PDE4D: variants seen among roughly 807,000 people sequenced by gnomAD.
PDE4D encodes 3',5'-cyclic-AMP phosphodiesterase 4D.
PDE4D carries 24 observed loss-of-function variants against 87.4 expected under a neutral mutation model. That is an observed-to-expected ratio of 0.27 (90% CI 0.20 to 0.39). The LOEUF (loss-of-function observed/expected upper bound fraction) is 0.39, where lower values mean the gene tolerates loss of function less well. PDE4D is among the 10% of genes least tolerant of loss of function. PDE4D has a pLI of 1.00. For synonymous variants in PDE4D, 384 were observed against 383.2 expected, an observed-to-expected ratio of 1.00 and a Z score of -0.02; for missense variants, 714 against 1,041.0, an observed-to-expected ratio of 0.69 and a Z score of 4.32.
intron 5 of PDE4D, among the ~76,000 whole-genome samples, chr5:59,095,201 C>T (rs1580769054): frequency 1.3e-5 from 2 of 151,644 alleles, no homozygotes; most frequent in East Asian, 3.9e-4. Context: ...AATGACCCAC[C>T]ATTCAACGAT....
chr5:59,428,111 T>C (rs1026240962), intron 1 of PDE4D, among the ~76,000 whole-genome samples: 11 of 152,222 alleles, frequency 7.2e-5, no homozygotes, highest in African/African-American at 2.7e-4. Context: ...ACCAATTAAA[T>C]GATCATGTGG....
chr5:59,207,372 C>T lies in PDE4D; in HGVS notation c.647+8405G>A, dbSNP rs375258639. On this transcript the variant is annotated intron_variant, in intron 2 of 14. Transcript: ENST00000340635. ...GAACCAATATCTCTCCTGTAATGGC[C>T]ATTTGCCTCTTGGAATTTCAAGAGG... Among the ~76,000 whole-genome samples the T allele has an allele frequency of 5.9e-5, 9 of 151,830 alleles. No individual in the cohort carries two copies. In the South Asian group the frequency reaches 1.0e-3, roughly 18 times the overall value.
At chr5:59,851,642 G>A (rs1744676986) in intron 1 of PDE4D, among the ~76,000 whole-genome samples, 1 of 151,914 alleles carries the variant, frequency 6.6e-6, no homozygotes, top group South Asian at 2.1e-4. Flanking sequence ...TTTGCTGGTG[G>A]GCCAGATATA....
chr5:60,148,035 A>C (rs954615439), intron 2 of PDE4D: 5 of 247,886 alleles, frequency 2.0e-5, no homozygotes, highest in African/African-American at 1.2e-4. Context: ...GAATACCAGA[A>C]AGTGCAGATC....
chr5:59,635,049 A>C (rs1832059785), intron 1 of PDE4D, among the ~76,000 whole-genome samples: 1 of 152,194 alleles, frequency 6.6e-6, no homozygotes, highest in African/African-American at 2.4e-5. Flanking sequence ...AAAATGATAA[A>C]GGGGATATCA....
chr5:60,272,946 C>T lies in PDE4D; in HGVS notation c.-89-87259G>A, dbSNP rs1186752979. On this transcript the variant is annotated intron_variant, in intron 1 of 16. Coordinates refer to the PDE4D transcript ENST00000502484. ...GATTTGTGTATTTCTAACAGTTATA[C>T]GACTACCTCAAAACCTCTCTCACAC... Among the ~76,000 whole-genome samples, 10 of 152,144 alleles carry T rather than the reference C, an allele frequency of 6.6e-5. No homozygotes were observed. In the East Asian group the frequency reaches 1.9e-3, roughly 29 times the overall value.
chr5:59,402,046 G>A (rs1790737136), intron 1 of PDE4D, among the ~76,000 whole-genome samples: 3 of 152,190 alleles, frequency 2.0e-5, no homozygotes, highest in Admixed American at 2.0e-4. Context: ...TGCAAGGAAT[G>A]GCCTGGGGCA....
At chr5:60,199,167 T>C (rs1469679393) in intron 1 of PDE4D, among the ~76,000 whole-genome samples, 1 of 151,734 alleles carries the variant, frequency 6.6e-6, no homozygotes, top group Non-Finnish European at 1.5e-5. Flanking sequence ...AAGATGTGAA[T>C]TGTGACACCA....
intron 1 of PDE4D, among the ~76,000 whole-genome samples, chr5:60,225,074 G>A (rs552534883): frequency 1.1e-3 from 169 of 152,034 alleles, no homozygotes; most frequent in African/African-American, 3.9e-3. Flanking sequence ...TCTGCTCTTG[G>A]AGCCTCAAAT....
At chr5:59,632,153 G>A (rs1171803372) in intron 1 of PDE4D, among the ~76,000 whole-genome samples, 5 of 152,120 alleles carry the variant, frequency 3.3e-5, no homozygotes, top group South Asian at 2.1e-4. Context: ...AGAGCCCACC[G>A]CAGCTCCACA....
At chr5:59,755,305 T>C (rs539579807) in intron 1 of PDE4D, among the ~76,000 whole-genome samples, 2 of 152,186 alleles carry the variant, frequency 1.3e-5, no homozygotes, top group Non-Finnish European at 2.9e-5. Context: ...GCCTTGTTTA[T>C]TGTATATTTT....
At chr5:60,051,971 C>T (rs1204804170) in intron 2 of PDE4D, among the ~76,000 whole-genome samples, 1 of 152,146 alleles carries the variant, frequency 6.6e-6, no homozygotes, top group Admixed American at 6.5e-5. Context: ...GACACATACA[C>T]CCTTTCAAGA....
intron 1 of PDE4D, among the ~76,000 whole-genome samples, chr5:60,323,741 A>G (rs980134464): frequency 1.3e-5 from 2 of 151,728 alleles, no homozygotes; most frequent in African/African-American, 4.9e-5. Context: ...TTGGGCTTCA[A>G]TTAGCATGAT....
At chr5:60,495,350 A>T (rs750177747) in intron 1 of PDE4D, among the ~76,000 whole-genome samples, 3 of 152,164 alleles carry the variant, frequency 2.0e-5, no homozygotes, top group Non-Finnish European at 4.4e-5. Flanking sequence ...GTGCATAAGG[A>T]TGATGACCCA....
intron 2 of PDE4D, among the ~76,000 whole-genome samples, chr5:60,061,647 A>G (rs1181109428): frequency 6.6e-6 from 1 of 152,210 alleles, no homozygotes; most frequent in Non-Finnish European, 1.5e-5. Flanking sequence ...CAAAAAGAAT[A>G]AAGCTGGAGG....
chr5:59,669,577 T>A lies in PDE4D; in HGVS notation c.455+223591A>T, dbSNP rs900865150. Among the ~76,000 whole-genome samples the A allele has an allele frequency of 2.6e-5, 4 of 152,228 alleles. No homozygotes were observed. The South Asian group carries it at 6.2e-4, about 24-fold the overall frequency. On this transcript the variant is annotated intron_variant, in intron 1 of 14. Transcript: ENST00000340635. ...CTCCATTAAATTATTAAAATTTAACTAATTCTGGAGTTTTTCTATGGCATG... is the reference window on the plus strand; with the variant it reads ...CTCCATTAAATTATTAAAATTTAACAAATTCTGGAGTTTTTCTATGGCATG...
intron 1 of PDE4D, among the ~76,000 whole-genome samples, chr5:59,866,055 A>G (rs1746981848): frequency 6.6e-6 from 1 of 152,244 alleles, no homozygotes; most frequent in African/African-American, 2.4e-5. Context: ...TGGATTAAGT[A>G]TATGAGTAAG....
Position 59,054,371 on chromosome 5 carries a change from AAAGT to A in PDE4D, c.809-15404_809-15401del, listed in dbSNP as rs1309662048. 2.6e-5 allele frequency among the ~76,000 whole-genome samples: 4 copies of A among 152,206 alleles called. No individual in the cohort carries two copies. The East Asian group carries it at 7.7e-4, about 29-fold the overall frequency. On this transcript the variant is annotated intron_variant, in intron 5 of 14. Transcript: ENST00000340635. ...ATACTATAACCTGGTAGATTTGTTT[AAAGT>A]AAGAGGTGCTCACTTTTGAAGGCAT...
At chr5:60,050,914 A>G (rs1361814468) in intron 2 of PDE4D, among the ~76,000 whole-genome samples, 1 of 152,180 alleles carries the variant, frequency 6.6e-6, no homozygotes, top group African/African-American at 2.4e-5. Context: ...CAGACTTTAA[A>G]CCAACAAAGA....
Sources: allele counts gnomAD v4.1 joint callset (sites outside exome capture counted in the v4.1 genomes callset), GRCh38; gene constraint gnomAD v4.1.1; transcripts MANE v1.5; gene names NCBI Gene and HGNC (gene_info 2026-07-23, HGNC 2026-07-21).